Variants in DNAH8 observed in about 807,000 individuals in gnomAD.
DNAH8 encodes the protein dynein axonemal heavy chain 8.
In DNAH8, 382 loss-of-function variants were observed where a neutral mutation model predicts 562.1. The observed-to-expected ratio is 0.68, with a 90% CI of 0.63 to 0.74. The LOEUF is 0.74. Among genes scored for constraint, DNAH8 ranks in the 30% least tolerant of loss-of-function variants. The pLI is 0.00. For synonymous variants in DNAH8, 1,881 were observed against 1,919.4 expected (o/e 0.98, Z 0.52); for missense variants, 5,203 against 5,620.4 (o/e 0.93, Z 2.37).
At chr6:38,733,801 C>G (rs186849400) in intron 4 of DNAH8, among the ~76,000 whole-genome samples, 6 of 151,818 alleles carry the variant, frequency 4.0e-5, no homozygotes, top group Admixed American at 3.9e-4. Context: ...ATCCCAGCTA[C>G]TTGGGAGGCT....
chr6:38,781,680 A>T (rs1035127143), intron 16 of DNAH8, among the ~76,000 whole-genome samples: 2 of 152,204 alleles, frequency 1.3e-5, no homozygotes, highest in Non-Finnish European at 2.9e-5. Flanking sequence ...TGAAAACAAT[A>T]AAGTACAGGC....
intron 65 of DNAH8, among the ~76,000 whole-genome samples, chr6:38,910,693 T>C (rs1053572289): frequency 3.3e-5 from 5 of 152,204 alleles, no homozygotes; most frequent in African/African-American, 4.8e-5. Context: ...ATTTTTTATA[T>C]GTTCTTAGGT....
chr6:38,915,477 T>C, intron 68 of DNAH8, 100 bp downstream of exon 68: 2 of 997,036 alleles, frequency 2.0e-6, no homozygotes, highest in Non-Finnish European at 1.4e-6. Context: ...GAATTCTTAA[T>C]GTGATTGATA....
At chr6:38,919,284 A>T (rs1254688729) in intron 70 of DNAH8, among the ~76,000 whole-genome samples, 1 of 152,238 alleles carries the variant, frequency 6.6e-6, no homozygotes, top group African/African-American at 2.4e-5. Context: ...ATTGTGATAC[A>T]TGCTATGAAA....
chr6:38,831,115 T>C lies in DNAH8; in HGVS notation c.4189-1207T>C, dbSNP rs181367411. On this transcript the variant is annotated intron_variant, in intron 30 of 92. Transcript: ENST00000327475. ...TGAGGTTTAGTGAAACCCAGTTTTC[T>C]GCTATTATATCAATGGAAAAGATTC... 0.01 allele frequency among the ~76,000 whole-genome samples: 1,549 copies of C among 152,242 alleles called. 82 individuals carry two copies. The East Asian group carries it at 0.15, about 14-fold the overall frequency.
intron 79 of DNAH8, among the ~76,000 whole-genome samples, chr6:38,939,196 A>T (rs955168648): frequency 2.0e-5 from 3 of 152,130 alleles, no homozygotes; most frequent in African/African-American, 7.2e-5. Flanking sequence ...ACTCACCTGA[A>T]TATTGGTATT....
At chr6:39,010,820 CGTATGTATGTATGTAT>C (rs1554163117) in intron 89 of DNAH8, among the ~76,000 whole-genome samples, 28 of 132,830 alleles carry the variant, frequency 2.1e-4, no homozygotes, top group Admixed American at 1.1e-3. Context: ...CACACACACA[CGTATGTATGTATGTAT>C]GTATGTATGT....
Position 38,746,821 on chromosome 6 carries a change from C to T in DNAH8, c.1294-3655C>T, listed in dbSNP as rs577458947. 5.9e-5 allele frequency among the ~76,000 whole-genome samples: 9 copies of T among 151,834 alleles called. No homozygotes were observed. The South Asian group carries it at 8.3e-4, about 14-fold the overall frequency. ...GTGCATGCCTGTAATCCCAGCTATTCGGGAGGCTGAGGAAGGAGAATCACT... is the reference window on the plus strand; with the variant it reads ...GTGCATGCCTGTAATCCCAGCTATTTGGGAGGCTGAGGAAGGAGAATCACT... On this transcript the variant is annotated intron_variant, in intron 8 of 92. Coordinates refer to ENST00000327475, the MANE Select transcript of DNAH8 (RefSeq NM_001206927.2).
At chr6:39,003,270 C>T (rs1447133904) in intron 88 of DNAH8, among the ~76,000 whole-genome samples, 2 of 152,188 alleles carry the variant, frequency 1.3e-5, no homozygotes, top group Non-Finnish European at 2.9e-5. Context: ...GAAGGGGGCG[C>T]TTTCTGGTGG....
rs1163096077 is a variant in DNAH8, at chr6:38,715,958, ATATT to A, written c.-35+545_-35+548del. Among the ~76,000 whole-genome samples the A allele has an allele frequency of 4.0e-3, 124 of 30,998 alleles. 2 individuals are homozygous for A. The highest frequency in any genetic ancestry group is 7.1e-3 in the South Asian group (6 of 848). The allele number at this position is 30,998 out of a possible 152,430, so 20.3% of individuals were successfully genotyped here. The stretch of plus-strand genomic sequence containing the variant: ...TATATATATATATATATATATATAT[ATATT>A]TTTTTTTTTTTTTTGAGACGGAGTC... On this transcript the variant is annotated intron_variant, in intron 1 of 92. Coordinates refer to ENST00000327475, the MANE Select transcript of DNAH8 (RefSeq NM_001206927.2).
chr6:38,925,671 G>T (rs1343932573), intron 73 of DNAH8, among the ~76,000 whole-genome samples: 2 of 152,120 alleles, frequency 1.3e-5, no homozygotes, highest in Non-Finnish European at 2.9e-5. Flanking sequence ...GCCGGAAGGG[G>T]AAGCTATCAG....
At chr6:38,738,006 T>G (rs776525547) in intron 7 of DNAH8, 34 bp downstream of exon 7, 6 of 1,597,322 alleles carry the variant, frequency 3.8e-6, no homozygotes, top group Non-Finnish European at 4.3e-6. Flanking sequence ...TCTGGACTAG[T>G]AGTTTTCATG....
In DNAH8 at chr6:38,906,347, C is replaced by T. The variant is rs988853224; in HGVS notation, c.9288C>T (p.Asp3096=). The change falls in exon 63 of 93, where the codon GAC becomes GAT. Residue 3096 remains aspartate, a synonymous_variant. Coordinates refer to ENST00000327475, the MANE Select transcript of DNAH8 (RefSeq NM_001206927.2). ...DGKGITFIFT[D]SEIKDEAFLE... is the part of the protein sequence containing the mutation. Reference sequence around the variant, plus strand: ...AAGGCATCACTTTCATCTTTACTGACAGTGAAATAAAAGATGAGGCATTTC... The same window carrying T: ...AAGGCATCACTTTCATCTTTACTGATAGTGAAATAAAAGATGAGGCATTTC... 36 of 1,609,856 alleles carry T rather than the reference C, an allele frequency of 2.2e-5. No individual in the cohort carries two copies. The highest frequency in any genetic ancestry group is 3.1e-5 in the Non-Finnish European group (36 of 1,177,672).
Position 38,722,924 on chromosome 6 carries a change from G to C in DNAH8, c.115G>C (p.Val39Leu). The change falls in exon 2 of 93, where the codon GTG becomes CTG. Residue 39 changes from valine (V) to leucine (L), a missense_variant. Val to Leu is a conservative substitution (Grantham distance 32). This residue lies in a region of DNAH8 where 556 missense variants were observed against 496.9 expected (regional missense o/e 1.12). Transcript: ENST00000327475. Reference sequence around the variant, plus strand: ...GGAAGAGGCCCCGCGCCCTCCGACAGTGGAGGCCCCGGCAGAAGATGGTTT... The same window carrying C: ...GGAAGAGGCCCCGCGCCCTCCGACACTGGAGGCCCCGGCAGAAGATGGTTT... Reference protein sequence around the residue: ...EEEEAPRPPTVEAPAEDGFSP... With the variant: ...EEEEAPRPPTLEAPAEDGFSP... 2 of 1,612,542 alleles carry C rather than the reference G, an allele frequency of 1.2e-6. No homozygotes were observed. The highest frequency in any genetic ancestry group is 1.7e-6 in the Non-Finnish European group (2 of 1,179,664).
At chr6:38,999,938 C>CACACAT (rs377201718) in intron 88 of DNAH8, among the ~76,000 whole-genome samples, 21,029 of 151,410 alleles carry the variant, frequency 0.14, 1,665 homozygotes, top group Middle Eastern at 0.2. Flanking sequence ...CACACAAACA[C>CACACAT]ACACACACAC....
chr6:39,007,134 A>G (rs1333388022), intron 88 of DNAH8, among the ~76,000 whole-genome samples: 4 of 152,162 alleles, frequency 2.6e-5, no homozygotes, highest in Non-Finnish European at 5.9e-5. Context: ...TGTTTTTCAT[A>G]TCTTCTCCAG....
At chr6:38,861,949 G>GTTTTTTTTTTTT (rs10677373) in intron 43 of DNAH8, among the ~76,000 whole-genome samples, 1 of 134,690 alleles carries the variant, frequency 7.4e-6, no homozygotes, top group Admixed American at 7.9e-5. Context: ...TGAAAACCAG[G>GTTTTTTTTTTTT]TTTTTTTTTT....
At chr6:38,733,535 T>C (rs1337264442) in intron 4 of DNAH8, among the ~76,000 whole-genome samples, 2 of 152,018 alleles carry the variant, frequency 1.3e-5, no homozygotes, top group Non-Finnish European at 2.9e-5. Context: ...GGAGAACAGG[T>C]TGTATAAGGC....
intron 10 of DNAH8, among the ~76,000 whole-genome samples, chr6:38,757,366 T>C (rs1766020622): frequency 6.8e-6 from 1 of 146,132 alleles, no homozygotes; most frequent in Admixed American, 6.7e-5. Flanking sequence ...TTTGATGGGG[T>C]TGTTTGTTTT....
Sources: gnomAD v4.1 joint callset for allele counts (sites outside exome capture counted in the v4.1 genomes callset) on GRCh38, gnomAD v4.1.1 for gene constraint, gnomAD v4.1.1 regional missense constraint, MANE v1.5 for transcripts, NCBI Gene and HGNC (gene_info 2026-07-23, HGNC 2026-07-21) for gene names.